Variants in GSE1 observed in about 807,000 individuals in gnomAD.
GSE1 encodes Gse1 coiled-coil protein, also known as genetic suppressor element 1.
Under a neutral mutation model 112.6 loss-of-function variants are expected in GSE1, and 32 were observed. That is an observed-to-expected ratio of 0.28 (90% CI 0.21 to 0.38). The LOEUF is 0.38. Among genes scored for constraint, GSE1 ranks in the 10% least tolerant of loss-of-function variants. GSE1 has a pLI of 1.00. For missense variants in GSE1, 2,348 were observed against 1,699.2 expected (o/e 1.38, Z -6.71); for synonymous variants, 1,115 against 735.6 (o/e 1.52, Z -8.35).
intron 2 of GSE1, among the ~76,000 whole-genome samples, chr16:85,453,504 C>T (rs1462022045): frequency 6.6e-6 from 1 of 152,094 alleles, no homozygotes; most frequent in Admixed American, 6.5e-5. Flanking sequence ...GCACCTCTTT[C>T]ATCAGGAGGA....
chr16:85,601,185 C>T (rs1445737725), intron 1 of GSE1, among the ~76,000 whole-genome samples: 1 of 151,954 alleles, frequency 6.6e-6, no homozygotes, highest in Non-Finnish European at 1.5e-5. Context: ...GAGACGCTTC[C>T]AGACGCCCCT....
At chr16:85,363,473 C>G (rs556129864) in intron 2 of GSE1, among the ~76,000 whole-genome samples, 1 of 152,190 alleles carries the variant, frequency 6.6e-6, no homozygotes, top group South Asian at 2.1e-4. Flanking sequence ...ACTGGACTTG[C>G]GTTCCCTATA....
intron 1 of GSE1, among the ~76,000 whole-genome samples, chr16:85,278,392 GTGTT>G (rs1216293088): frequency 6.6e-6 from 1 of 152,178 alleles, no homozygotes; most frequent in Non-Finnish European, 1.5e-5. Context: ...GTTTTTGTCT[GTGTT>G]TGCCTGTTTT....
At chr16:85,494,805 A>T (rs528763774) in intron 2 of GSE1, among the ~76,000 whole-genome samples, 1 of 152,368 alleles carries the variant, frequency 6.6e-6, no homozygotes, top group East Asian at 1.9e-4. Context: ...TTTACAGCTC[A>T]CCAAGTGTGA....
intron 14 of GSE1, among the ~76,000 whole-genome samples, chr16:85,669,972 T>C (rs1326994130): frequency 3.3e-5 from 5 of 152,260 alleles, no homozygotes; most frequent in South Asian, 4.1e-4. Context: ...CCAAGGACTT[T>C]TCCCCTAAGG....
rs575436791 is a variant in GSE1, at chr16:85,664,757, T to G, written c.2645-258T>G. 6 of 408,306 alleles carry G rather than the reference T, an allele frequency of 1.5e-5. No homozygotes were observed. In the Admixed American group the frequency reaches 2.4e-4, roughly 16 times the overall value. The allele number at this position is 408,306 out of a possible 1,614,324, so 25.3% of individuals were successfully genotyped here. The stretch of plus-strand genomic sequence containing the variant: ...CCACCGAGGTCCGTGGGCACAGTGA[T>G]TCACAGAGGCGTCGTCACCGCACGG... On this transcript the variant is annotated intron_variant, in intron 11 of 15. Transcript: ENST00000253458.
At chr16:85,287,838 A>G (rs942065325) in intron 1 of GSE1, among the ~76,000 whole-genome samples, 27 of 152,108 alleles carry the variant, frequency 1.8e-4, no homozygotes, top group African/African-American at 6.3e-4. Flanking sequence ...CAGGAGCTCC[A>G]TGGCTGGTCT....
At chr16:85,637,563 C>G (rs532020141) in intron 2 of GSE1, among the ~76,000 whole-genome samples, 1 of 151,820 alleles carries the variant, frequency 6.6e-6, no homozygotes, top group South Asian at 2.1e-4. Flanking sequence ...GGCTGTGTAT[C>G]GAGCGCCTGC....
At chr16:85,284,567 A>G (rs2044959292) in intron 1 of GSE1, among the ~76,000 whole-genome samples, 1 of 152,154 alleles carries the variant, frequency 6.6e-6, no homozygotes, top group Non-Finnish European at 1.5e-5. Flanking sequence ...TGCTGGGTTG[A>G]CGATTCTCGG....
chr16:85,428,681 C>T (rs570880010), intron 2 of GSE1, among the ~76,000 whole-genome samples: 9 of 152,260 alleles, frequency 5.9e-5, no homozygotes, highest in African/African-American at 1.9e-4. Flanking sequence ...GTAAGCCCTC[C>T]CCTGAACTGG....
At chr16:85,475,502 C>G (rs1202098283) in intron 2 of GSE1, among the ~76,000 whole-genome samples, 1 of 152,258 alleles carries the variant, frequency 6.6e-6, no homozygotes, top group Admixed American at 6.5e-5. Context: ...GGTCTGCTGC[C>G]TGGATCCTGT....
chr16:85,603,264 C>T (rs2047544881), intron 1 of GSE1, among the ~76,000 whole-genome samples: 2 of 152,182 alleles, frequency 1.3e-5, no homozygotes, highest in Non-Finnish European at 2.9e-5. Context: ...AGAGAGGGCA[C>T]CGTGTCCGTG....
In GSE1 at chr16:85,675,072, A is replaced by G. The variant is rs1386681630; in HGVS notation, c.*2533A>G. 6.6e-6 allele frequency: 1 copy of G among 152,354 alleles called. No individual in the cohort carries two copies. The highest frequency in any genetic ancestry group is 1.5e-5 in the Non-Finnish European group (1 of 68,050). 9.4% of individuals were successfully genotyped at this position (152,354 alleles called of 1,614,324 possible). On this transcript the variant is annotated 3_prime_UTR_variant, in exon 16 of 16. Coordinates refer to ENST00000253458, the MANE Select transcript of GSE1 (RefSeq NM_014615.5). ...TCCAACTATTAGTTTCATACTTTGA[A>G]AACTTACTTTCAGATTATTCTCAAA...
intron 2 of GSE1, among the ~76,000 whole-genome samples, chr16:85,640,797 G>T (rs1567700418): frequency 1.3e-5 from 2 of 152,262 alleles, no homozygotes; most frequent in South Asian, 4.1e-4. Flanking sequence ...GTGGGTGTCA[G>T]TCTGCGGCGG....
intron 2 of GSE1, among the ~76,000 whole-genome samples, chr16:85,516,347 G>A (rs2051936342): frequency 6.6e-6 from 1 of 151,698 alleles, no homozygotes; most frequent in Admixed American, 6.6e-5. Context: ...CAAGGGGGCG[G>A]TGGGCGGGAA....
chr16:85,622,414 G>A (rs142076812), intron 1 of GSE1, among the ~76,000 whole-genome samples: 2 of 152,342 alleles, frequency 1.3e-5, no homozygotes, highest in Admixed American at 1.3e-4. Flanking sequence ...GTCCAGGCAG[G>A]TCATATTGGG....
chr16:85,433,177 C>T (rs1167778517), intron 2 of GSE1, among the ~76,000 whole-genome samples: 1 of 151,918 alleles, frequency 6.6e-6, no homozygotes, highest in Admixed American at 6.6e-5. Context: ...ATGCAACCAG[C>T]CTTGGGTTCA....
intron 2 of GSE1, among the ~76,000 whole-genome samples, chr16:85,410,217 C>G (rs1329785658): frequency 3.0e-5 from 1 of 33,284 alleles, no homozygotes; most frequent in Non-Finnish European, 5.5e-5. Context: ...ATAATCCTCA[C>G]TGTTACACTC....
chr16:85,508,953 G>C (rs1419056572), intron 2 of GSE1, among the ~76,000 whole-genome samples: 1 of 152,204 alleles, frequency 6.6e-6, no homozygotes, highest in Non-Finnish European at 1.5e-5. Flanking sequence ...CAGCGCTGCT[G>C]GTCACTGGCG....
Sources: gnomAD v4.1 joint callset for allele counts (sites outside exome capture counted in the v4.1 genomes callset) on GRCh38, gnomAD v4.1.1 for gene constraint, MANE v1.5 for transcripts, NCBI Gene and HGNC (gene_info 2026-07-23, HGNC 2026-07-21) for gene names.